Variants in CALML4 observed in about 807,000 individuals in gnomAD.
The protein encoded by CALML4 is calmodulin like 4.
In CALML4, 16 loss-of-function variants were observed where a neutral mutation model predicts 17.9. That is an observed-to-expected ratio of 0.89 (90% confidence interval 0.61 to 1.36). CALML4 has a LOEUF of 1.36. Among genes scored for constraint, CALML4 ranks in the 40% most tolerant of loss-of-function variants. The pLI, the probability that CALML4 is intolerant of heterozygous loss-of-function variation, is 0.00. For synonymous variants in CALML4, 86 were observed against 71.5 expected (o/e 1.20, Z -1.02); for missense variants, 203 against 194.8 (o/e 1.04, Z -0.25).
At chr15:68,202,431 C>T (rs1188589628) in intron 2 of CALML4, among the ~76,000 whole-genome samples, 1 of 152,114 alleles carries the variant, frequency 6.6e-6, no homozygotes, top group Non-Finnish European at 1.5e-5. Flanking sequence ...TATAGTAAGA[C>T]CTCATGTCTA....
Position 68,193,093 on chromosome 15 carries a change from A to G in CALML4, c.*922T>C, listed in dbSNP as rs1184537812. 1 of 152,076 alleles carries G rather than the reference A, an allele frequency of 6.6e-6. No individual in the cohort carries two copies. The highest frequency in any genetic ancestry group is 1.5e-5 in the Non-Finnish European group (1 of 68,054). 9.4% of individuals were successfully genotyped at this position (152,076 alleles called of 1,614,324 possible). On this transcript the variant is annotated 3_prime_UTR_variant, in exon 5 of 5. Coordinates refer to ENST00000467889, the MANE Select transcript of CALML4 (RefSeq NM_033429.3). The stretch of plus-strand genomic sequence containing the variant: ...TGGCCATTGCTGGTTACATCCCCTT[A>G]TTTCTCTCCGTAAGTCCTGGGGAGG...
chr15:68,197,812 A>T lies in CALML4; in HGVS notation c.176-184T>A. 1.7e-6 allele frequency: 1 copy of T among 580,142 alleles called. No individual in the cohort carries two copies. The highest frequency in any genetic ancestry group is 3.1e-6 in the Non-Finnish European group (1 of 326,446). The allele number at this position is 580,142 out of a possible 1,614,324, so 35.9% of individuals were successfully genotyped here. Reference sequence around the variant, plus strand: ...ACCGAGTTCCCACGACAGGCCCCTCACTGGACTGGACATTCTTCATTTCAG... The same window carrying T: ...ACCGAGTTCCCACGACAGGCCCCTCTCTGGACTGGACATTCTTCATTTCAG... On this transcript the variant is annotated intron_variant, in intron 3 of 4. Coordinates refer to ENST00000467889, the MANE Select transcript of CALML4 (RefSeq NM_033429.3). This position sits in a 1 kb window ranked among gnomAD's most constrained non-coding sequence, Gnocchi z 4.1.
At chr15:68,201,159 T>C (rs947076335) in intron 2 of CALML4, among the ~76,000 whole-genome samples, 9 of 152,160 alleles carry the variant, frequency 5.9e-5, no homozygotes, top group African/African-American at 2.2e-4. Flanking sequence ...TTCGCGGCCT[T>C]TGTGGAGAGA....
intron 4 of CALML4, among the ~76,000 whole-genome samples, chr15:68,194,413 C>A (rs187572766): frequency 1.4e-5 from 2 of 145,826 alleles, no homozygotes; most frequent in African/African-American, 5.1e-5. Flanking sequence ...AAAACAGTTT[C>A]GCTCTTGTTG....
In CALML4 at chr15:68,200,634, G is replaced by A. The variant is rs1416009908; in HGVS notation, c.35-953C>T. Among the ~76,000 whole-genome samples, 1 of 152,192 alleles carries A rather than the reference G, an allele frequency of 6.6e-6. No individual in the cohort carries two copies. Among genetic ancestry groups the A allele is most frequent in the Non-Finnish European group, 1.5e-5 (1 of 68,016 alleles). On this transcript the variant is annotated intron_variant, in intron 2 of 4. Transcript: ENST00000467889. This position sits in a 1 kb window ranked among gnomAD's most constrained non-coding sequence, Gnocchi z 4.3. The stretch of plus-strand genomic sequence containing the variant: ...GACAGGGAGATTCTCGTCCAGCCCA[G>A]ACGAGGCACCCGGGCCTGTGGGTGG...
intron 4 of CALML4, among the ~76,000 whole-genome samples, chr15:68,196,343 G>A (rs760046766): frequency 6.6e-6 from 1 of 152,204 alleles, no homozygotes; most frequent in Non-Finnish European, 1.5e-5. Context: ...GACCTGAGGG[G>A]TCACCTACTG....
At position 68,200,645 on chromosome 15, in the gene CALML4, C is replaced by CG. The variant is rs1179089822; in HGVS notation, c.35-965dup. On this transcript the variant is annotated intron_variant, in intron 2 of 4. Transcript: ENST00000467889. The surrounding 1 kb of genome is among the most constrained non-coding windows in gnomAD (Gnocchi z 4.3). ...TCTCGTCCAGCCCAGACGAGGCACC[C>CG]GGGCCTGTGGGTGGAGCCGTGGAAA... 6.6e-6 allele frequency among the ~76,000 whole-genome samples: 1 copy of CG among 152,160 alleles called. No individual in the cohort carries two copies. Among genetic ancestry groups the CG allele is most frequent in the Non-Finnish European group, 1.5e-5 (1 of 68,016 alleles).
upstream of CALML4, chr15:68,205,450 G>C: frequency 6.3e-7 from 1 of 1,589,184 alleles, no homozygotes; most frequent in Non-Finnish European, 8.6e-7. This position sits in a 1 kb window ranked among gnomAD's most constrained non-coding sequence, Gnocchi z 4.8. Flanking sequence ...CACCTGGGCA[G>C]GTTGGATTTT....
rs1418928064 is a variant in CALML4, at chr15:68,193,206, G to C, written c.*809C>G. 4.6e-5 allele frequency: 7 copies of C among 152,402 alleles called. No homozygotes were observed. Among genetic ancestry groups the C allele is most frequent in the Non-Finnish European group, 8.8e-5 (6 of 68,206 alleles). The allele number at this position is 152,402 out of a possible 1,614,324, so 9.4% of individuals were successfully genotyped here. A position where few individuals can be genotyped will look rare whatever the true frequency, so the allele number is the denominator to read the frequency against. On this transcript the variant is annotated 3_prime_UTR_variant, in exon 5 of 5. Coordinates refer to ENST00000467889, the MANE Select transcript of CALML4 (RefSeq NM_033429.3). The stretch of plus-strand genomic sequence containing the variant: ...TTAACAGAGCCCAGGGAACAGCTCG[G>C]AATTCTCACAGCATTGGAAGCCCCC...
intron 4 of CALML4, among the ~76,000 whole-genome samples, chr15:68,196,070 A>C (rs1200669394): frequency 6.6e-6 from 1 of 152,122 alleles, no homozygotes; most frequent in East Asian, 1.9e-4. Context: ...ATTTATGGAG[A>C]TAAAGTCTCA....
intron 2 of CALML4, among the ~76,000 whole-genome samples, chr15:68,203,985 T>A (rs1167288058): frequency 6.6e-6 from 1 of 152,196 alleles, no homozygotes; most frequent in East Asian, 1.9e-4. Flanking sequence ...ATGCTGAGGC[T>A]GAAGGCTGGA....
At chr15:68,195,412 G>GAAGT (rs1356867215) in intron 4 of CALML4, among the ~76,000 whole-genome samples, 1 of 152,182 alleles carries the variant, frequency 6.6e-6, no homozygotes, top group African/African-American at 2.4e-5. Flanking sequence ...ATTTTGTGGA[G>GAAGT]AAGTTTCCAC....
At chr15:68,195,315 G>A (rs910664155) in intron 4 of CALML4, among the ~76,000 whole-genome samples, 1 of 152,122 alleles carries the variant, frequency 6.6e-6, no homozygotes, top group African/African-American at 2.4e-5. Context: ...TATCCTTCTC[G>A]AAAGTATAAT....
At chr15:68,194,744 G>GT (rs1339113376) in intron 4 of CALML4, among the ~76,000 whole-genome samples, 1 of 151,798 alleles carries the variant, frequency 6.6e-6, no homozygotes, top group African/African-American at 2.4e-5. Flanking sequence ...CATATTTCTA[G>GT]AATCCTTTGG....
upstream of CALML4, chr15:68,205,822 CTGAG>C (rs2093182067): frequency 5.1e-6 from 1 of 194,458 alleles, no homozygotes; most frequent in Non-Finnish European, 1.1e-5. The surrounding 1 kb of genome is among the most constrained non-coding windows in gnomAD (Gnocchi z 4.8). Flanking sequence ...TGCTGACTTG[CTGAG>C]TGACTGGCGA....
At position 68,191,880 on chromosome 15, in the gene CALML4, C is replaced by T. The variant is rs944056005; in HGVS notation, c.*2135G>A. The T allele has an allele frequency of 1.3e-5, 2 of 152,174 alleles. No individual in the cohort carries two copies. The highest frequency in any genetic ancestry group is 3.8e-4 in the East Asian group (2 of 5,204). 9.4% of individuals were successfully genotyped at this position (152,174 alleles called of 1,614,324 possible). A position where few individuals can be genotyped will look rare whatever the true frequency, so the allele number is the denominator to read the frequency against. On this transcript the variant is annotated 3_prime_UTR_variant, in exon 5 of 5. Transcript: ENST00000467889. ...TCTTAGACTCTGGACCACTGAATCC[C>T]TTAATGAGCAGGGAGTCCGTGAAGA...
intron 3 of CALML4, chr15:68,198,427 G>A (rs777722535): frequency 1.3e-5 from 2 of 152,310 alleles, no homozygotes; most frequent in Non-Finnish European, 2.9e-5. Context: ...CTGAGACTGA[G>A]CAGCAGCCTA....
rs765509339 is a variant in CALML4 at position 68,199,680 on chromosome 15, C to G, written c.36G>C (p.Glu12Asp). 1.2e-6 allele frequency: 2 copies of G among 1,613,014 alleles called. No homozygotes were observed. Among genetic ancestry groups the G allele is most frequent in the South Asian group, 2.2e-5 (2 of 91,016 alleles). ...CATACAGGGAGAAGCATTCCTTGTA[C>G]TCTGCACACGGCCCAGAGGGAGGGT... is the stretch of plus-strand genomic sequence containing the variant. The part of the protein sequence containing the change: ...AKFLSQDQIN[E>D]YKECFSLYDK... Residue 12 changes from glutamate (E) to aspartate (D), a missense_variant and splice_region_variant, in exon 3 of 5, where the codon GAG (glutamate) becomes GAC (aspartate). Coordinates refer to ENST00000467889, the MANE Select transcript of CALML4 (RefSeq NM_033429.3).
intron 2 of CALML4, 160 bp from the exon 3 acceptor site, chr15:68,199,841 T>C (rs1465746321): frequency 3.0e-6 from 2 of 666,064 alleles, no homozygotes; most frequent in African/African-American, 1.8e-5. Context: ...CAAATGAAAA[T>C]ACAGGACTGC....
Sources: gnomAD v4.1 joint callset for allele counts (sites outside exome capture counted in the v4.1 genomes callset) on GRCh38, gnomAD v4.1.1 for gene constraint, Gnocchi (gnomAD v3.1) non-coding constraint, MANE v1.5 for transcripts, NCBI Gene and HGNC (gene_info 2026-07-23, HGNC 2026-07-21) for gene names.